The following DENND4C variants were observed in gnomAD, a reference collection of about 807,000 sequenced individuals.
The protein encoded by DENND4C is DENN domain-containing protein 4C.
Under a neutral mutation model 203.0 loss-of-function variants are expected in DENND4C, and 108 were observed. That is an observed-to-expected ratio of 0.53 (90% CI 0.46 to 0.62). The LOEUF is 0.62. Ranked by LOEUF, DENND4C falls within the 20% of genes least tolerant of loss-of-function variation. The pLI is 0.00. For synonymous variants in DENND4C, 871 were observed against 792.4 expected, an observed-to-expected ratio of 1.10 and a Z score of -1.67; for missense variants, 2,481 against 2,301.2, an observed-to-expected ratio of 1.08 and a Z score of -1.60.
At chr9:19,305,587 T>G in intron 10 of DENND4C, 60 bp downstream of exon 10, 1 of 1,496,120 alleles carries the variant, frequency 6.7e-7, no homozygotes, top group Non-Finnish European at 9.0e-7. Context: ...AGAGTTACAG[T>G]TCTTTGAAAG....
chr9:19,337,524 CT>C (rs1820748787), intron 20 of DENND4C: 1 of 825,510 alleles, frequency 1.2e-6, no homozygotes, highest in Admixed American at 5.3e-5. Flanking sequence ...TTTCTCTGCT[CT>C]TTGTTGCTTT....
upstream of DENND4C, chr9:19,230,517 A>C (rs1244526428): frequency 6.6e-6 from 1 of 152,548 alleles, no homozygotes; most frequent in African/African-American, 2.4e-5. Flanking sequence ...GGGAACAGAA[A>C]CATGGCGGTC....
intron 9 of DENND4C, 50 bp downstream of exon 9, chr9:19,300,381 C>A: frequency 7.1e-7 from 1 of 1,405,094 alleles, no homozygotes; most frequent in Non-Finnish European, 9.4e-7. Flanking sequence ...ATAATTTTTA[C>A]TCCAAAGGGA....
intron 12 of DENND4C, among the ~76,000 whole-genome samples, chr9:19,320,645 T>A (rs1842728450): frequency 6.6e-6 from 1 of 152,236 alleles, no homozygotes; most frequent in Non-Finnish European, 1.5e-5. Context: ...TCAGGTTTAA[T>A]TCTCTTGGCA....
chr9:19,318,220 A>G (rs1375161714), intron 12 of DENND4C, among the ~76,000 whole-genome samples: 1 of 152,048 alleles, frequency 6.6e-6, no homozygotes, highest in African/African-American at 2.4e-5. Context: ...TCGGGAGGCT[A>G]AGGGAGGAGA....
At chr9:19,333,524 C>T (rs987885807) in intron 17 of DENND4C, among the ~76,000 whole-genome samples, 5 of 152,084 alleles carry the variant, frequency 3.3e-5, no homozygotes, top group Admixed American at 1.3e-4. Flanking sequence ...AAAATGTTCC[C>T]GGAGAGCGAA....
Position 19,288,672 on chromosome 9 carries a change from G to A in DENND4C, c.628+7G>A. The A allele has an allele frequency of 8.1e-7, 1 of 1,230,732 alleles. No homozygotes were observed. Among genetic ancestry groups the A allele is most frequent in the East Asian group, 3.2e-5 (1 of 31,602 alleles). 76.2% of individuals were successfully genotyped at this position (1,230,732 alleles called of 1,614,324 possible). On this transcript the variant is annotated splice_region_variant and intron_variant, in intron 4 of 32. Transcript: ENST00000434457. ...GCAATAGCATATAAGGCTGGTAAGT[G>A]AGTTAAAAAAAATTGTCTCAATTGC...
At chr9:19,360,563 C>T (rs1826245901) in intron 29 of DENND4C, 74 bp downstream of exon 29, 3 of 1,554,668 alleles carry the variant, frequency 1.9e-6, no homozygotes, top group South Asian at 1.2e-5. Flanking sequence ...TGAAAGTATA[C>T]AACAGTAGCA....
chr9:19,324,860 C>T (rs949004899), intron 13 of DENND4C, among the ~76,000 whole-genome samples: 1 of 152,160 alleles, frequency 6.6e-6, no homozygotes, highest in Non-Finnish European at 1.5e-5. Flanking sequence ...GCTGGGACTA[C>T]AGGCATGTGC....
At chr9:19,295,681 A>G (rs574214541) in intron 5 of DENND4C, among the ~76,000 whole-genome samples, 6 of 151,918 alleles carry the variant, frequency 3.9e-5, no homozygotes, top group South Asian at 4.1e-4. Flanking sequence ...AAAAAAAAAA[A>G]AAAAAGAAAA....
intron 10 of DENND4C, among the ~76,000 whole-genome samples, chr9:19,306,706 C>A (rs1839727003): frequency 6.6e-6 from 1 of 151,458 alleles, no homozygotes; most frequent in African/African-American, 2.4e-5. Flanking sequence ...GTAATCAAAA[C>A]ATTATTTTCT....
At chr9:19,243,897 G>A (rs912378644) in intron 1 of DENND4C, among the ~76,000 whole-genome samples, 2 of 152,064 alleles carry the variant, frequency 1.3e-5, no homozygotes, top group Admixed American at 6.6e-5. Flanking sequence ...CTGCAGCCTC[G>A]ACCTTCCAGG....
chr9:19,314,182 C>T (rs898620107), intron 10 of DENND4C, among the ~76,000 whole-genome samples: 1 of 152,122 alleles, frequency 6.6e-6, no homozygotes, highest in African/African-American at 2.4e-5. Context: ...AGGCCAGGCG[C>T]AGTGGCTCAT....
chr9:19,368,923 A>C (rs1467898123), intron 30 of DENND4C, among the ~76,000 whole-genome samples: 1 of 152,102 alleles, frequency 6.6e-6, no homozygotes, highest in East Asian at 1.9e-4. Context: ...AGGCTGAGGC[A>C]GGAGGACTGC....
intron 5 of DENND4C, among the ~76,000 whole-genome samples, chr9:19,293,558 A>C (rs2131215873): frequency 6.6e-6 from 1 of 152,328 alleles, no homozygotes; most frequent in South Asian, 2.1e-4. Flanking sequence ...AAGATTTATA[A>C]AACACAGAGG....
intron 17 of DENND4C, among the ~76,000 whole-genome samples, chr9:19,332,929 G>A (rs1251046766): frequency 6.6e-6 from 1 of 150,656 alleles, no homozygotes; most frequent in Non-Finnish European, 1.5e-5. Flanking sequence ...ACTTTATTGG[G>A]GAGCAGATAG....
intron 1 of DENND4C, among the ~76,000 whole-genome samples, chr9:19,270,740 T>C (rs1831476403): frequency 6.6e-6 from 1 of 151,724 alleles, no homozygotes; most frequent in Admixed American, 6.6e-5. Context: ...TTCTAGCCAG[T>C]GCAATAAGGC....
In DENND4C at chr9:19,230,812, C is replaced by G. The variant is rs1169089953; in HGVS notation, c.-39C>G. 1 of 152,530 alleles carries G rather than the reference C, an allele frequency of 6.6e-6. No homozygotes were observed. Among genetic ancestry groups the G allele is most frequent in the African/African-American group, 2.4e-5 (1 of 41,474 alleles). 9.4% of individuals were successfully genotyped at this position (152,530 alleles called of 1,614,324 possible). On this transcript the variant is annotated 5_prime_UTR_variant, in exon 1 of 33. Transcript: ENST00000434457. ...AGGAAGAAGCCGTGTCGGGGCTGCG[C>G]TGACAGAGGAGCAGGCAGCAGGTGA...
intron 1 of DENND4C, among the ~76,000 whole-genome samples, chr9:19,238,163 A>G (rs1284334219): frequency 2.6e-5 from 4 of 151,234 alleles, no homozygotes; most frequent in Admixed American, 6.6e-5. Context: ...GCTCACCGCA[A>G]CCTGTGCCTC....
Sources: allele counts gnomAD v4.1 joint callset (sites outside exome capture counted in the v4.1 genomes callset), GRCh38; gene constraint gnomAD v4.1.1; transcripts MANE v1.5; gene names NCBI Gene and HGNC (gene_info 2026-07-23, HGNC 2026-07-21).